Variants in RBFOX1 observed in about 807,000 individuals in gnomAD.
RBFOX1 encodes the protein RNA binding fox-1 homolog 1, also known as RNA binding protein fox-1 homolog 1.
In RBFOX1, 8 loss-of-function variants were observed where a neutral mutation model predicts 57.7. That is an observed-to-expected ratio of 0.14 (90% CI 0.08 to 0.25). The LOEUF (loss-of-function observed/expected upper bound fraction) is 0.25, where lower values mean the gene tolerates loss of function less well. RBFOX1 is among the 10% of genes least tolerant of loss of function. RBFOX1 has a pLI of 1.00. For synonymous variants in RBFOX1, 326 were observed against 222.4 expected (o/e 1.47, Z -4.15); for missense variants, 611 against 548.5 (o/e 1.11, Z -1.14).
At chr16:6,706,159 T>C (rs963009496) in intron 3 of RBFOX1, among the ~76,000 whole-genome samples, 5 of 152,180 alleles carry the variant, frequency 3.3e-5, no homozygotes, top group African/African-American at 1.2e-4. Context: ...AGGGTTTGTG[T>C]TGAAAACTTT....
chr16:6,958,139 A>T (rs2082249770), intron 3 of RBFOX1, among the ~76,000 whole-genome samples: 1 of 152,060 alleles, frequency 6.6e-6, no homozygotes. Flanking sequence ...ACGTTTTTTG[A>T]GAAGCAAGGG....
At chr16:6,799,743 C>G (rs7196625) in intron 3 of RBFOX1, among the ~76,000 whole-genome samples, 8 of 151,876 alleles carry the variant, frequency 5.3e-5, no homozygotes, top group Non-Finnish European at 4.4e-5. Flanking sequence ...TTGCCCTTGA[C>G]CATCAGCCTC....
intron 11 of RBFOX1, among the ~76,000 whole-genome samples, chr16:7,632,272 C>T (rs550466965): frequency 6.6e-6 from 1 of 152,116 alleles, no homozygotes; most frequent in Non-Finnish European, 1.5e-5. Context: ...TCTGTGCCTC[C>T]CAAGAAGCCC....
chr16:5,770,101 G>T (rs1209430053), intron 3 of RBFOX1, among the ~76,000 whole-genome samples: 2 of 152,174 alleles, frequency 1.3e-5, no homozygotes, highest in Admixed American at 1.3e-4. Flanking sequence ...ATTACGGGTT[G>T]TGGGTGTTTT....
At chr16:6,733,774 C>G (rs1039217192) in intron 3 of RBFOX1, among the ~76,000 whole-genome samples, 7 of 152,114 alleles carry the variant, frequency 4.6e-5, no homozygotes, top group African/African-American at 1.4e-4. Flanking sequence ...AAATTCTGAC[C>G]TCTGAAATCT....
chr16:7,251,323 C>G (rs1332690460), intron 4 of RBFOX1, among the ~76,000 whole-genome samples: 2 of 151,906 alleles, frequency 1.3e-5, no homozygotes, highest in East Asian at 3.9e-4. Context: ...CAGGTTCATC[C>G]ACAGTGTTGC....
chr16:5,801,479 C>G (rs11866610), intron 3 of RBFOX1, among the ~76,000 whole-genome samples: 1,856 of 152,080 alleles, frequency 0.012, 42 homozygotes, highest in African/African-American at 0.041. Flanking sequence ...CAGTAATATA[C>G]TTAGCAGTCA....
In RBFOX1 at chr16:6,897,793, C is replaced by CA. The variant is rs1205587325; in HGVS notation, c.-15-154258dup. Among the ~76,000 whole-genome samples the CA allele has an allele frequency of 9.2e-5, 14 of 151,928 alleles. 1 individual carries two copies. Among genetic ancestry groups the CA allele is most frequent in the African/African-American group, 3.4e-4 (14 of 41,378 alleles). On this transcript the variant is annotated intron_variant, in intron 3 of 15. Coordinates refer to ENST00000550418, the MANE Select transcript of RBFOX1 (RefSeq NM_018723.4). ...TGGATGACAGAGCGAGATTCCGTCT[C>CA]AAAAAATAAAAAAAGGCTAAGTCCT...
rs146930614 is a variant in RBFOX1 at position 6,721,425 on chromosome 16, A to C, written c.-16+66775A>C. On this transcript the variant is annotated intron_variant, in intron 3 of 15. Coordinates refer to ENST00000550418, the MANE Select transcript of RBFOX1 (RefSeq NM_018723.4). The stretch of plus-strand genomic sequence containing the variant: ...GCCACTGCACTCCAGCCTGGGGGAC[A>C]GAGCGAGACTCTGTCTCAAAAACAA... 9.9e-3 allele frequency among the ~76,000 whole-genome samples: 1,507 copies of C among 152,318 alleles called. 14 individuals carry two copies. The highest frequency in any genetic ancestry group is 0.034 in the African/African-American group (1,424 of 41,562).
At chr16:6,374,421 T>G (rs2090901990) in intron 2 of RBFOX1, among the ~76,000 whole-genome samples, 1 of 152,192 alleles carries the variant, frequency 6.6e-6, no homozygotes, top group Non-Finnish European at 1.5e-5. Context: ...ACTAAGAAAG[T>G]AAGTAGCAAA....
At chr16:7,656,761 G>A (rs899486371) in intron 12 of RBFOX1, among the ~76,000 whole-genome samples, 1 of 152,034 alleles carries the variant, frequency 6.6e-6, no homozygotes, top group Non-Finnish European at 1.5e-5. Context: ...TGGGGCAGGG[G>A]GTGACATACA....
intron 2 of RBFOX1, among the ~76,000 whole-genome samples, chr16:5,485,022 G>C (rs1021007879): frequency 6.6e-6 from 1 of 151,694 alleles, no homozygotes; most frequent in African/African-American, 2.4e-5. Flanking sequence ...TTATACCACT[G>C]CACTGCAACC....
intron 4 of RBFOX1, among the ~76,000 whole-genome samples, chr16:7,506,075 C>T (rs1467662096): frequency 2.0e-5 from 3 of 148,574 alleles, no homozygotes; most frequent in African/African-American, 7.4e-5. Context: ...GTCCCAGCTA[C>T]TTGGGAGGCT....
chr16:6,593,913 C>A (rs2097751020), intron 2 of RBFOX1, among the ~76,000 whole-genome samples: 1 of 152,162 alleles, frequency 6.6e-6, no homozygotes, highest in Non-Finnish European at 1.5e-5. Context: ...TAGCGATTTA[C>A]TGGCATTGTA....
At chr16:5,732,315 A>G (rs1462375771) in intron 3 of RBFOX1, among the ~76,000 whole-genome samples, 3 of 152,318 alleles carry the variant, frequency 2.0e-5, no homozygotes, top group East Asian at 1.9e-4. Flanking sequence ...CCAAGAGGGA[A>G]CGTACCTTCT....
intron 3 of RBFOX1, among the ~76,000 whole-genome samples, chr16:7,004,667 T>C (rs991253571): frequency 6.6e-6 from 1 of 152,262 alleles, no homozygotes; most frequent in Non-Finnish European, 1.5e-5. Flanking sequence ...GCATTTTTTC[T>C]ATATAGGGAA....
At chr16:6,893,090 C>T (rs941629633) in intron 3 of RBFOX1, among the ~76,000 whole-genome samples, 2 of 152,162 alleles carry the variant, frequency 1.3e-5, no homozygotes, top group East Asian at 3.9e-4. Context: ...CCCACCTCAC[C>T]TGACCCTCCT....
At chr16:5,505,022 G>A (rs546780916) in intron 2 of RBFOX1, among the ~76,000 whole-genome samples, 11 of 152,170 alleles carry the variant, frequency 7.2e-5, no homozygotes, top group Non-Finnish European at 1.5e-4. Context: ...TGATGAACGT[G>A]TTCTAAAGCT....
At chr16:5,703,591 G>GT (rs1479455633) in intron 3 of RBFOX1, among the ~76,000 whole-genome samples, 1 of 152,188 alleles carries the variant, frequency 6.6e-6, no homozygotes, top group Admixed American at 6.5e-5. Context: ...TAGTGCAGAG[G>GT]TTAATGCAGA....
Sources: gnomAD v4.1 joint callset for allele counts (sites outside exome capture counted in the v4.1 genomes callset) on GRCh38, gnomAD v4.1.1 for gene constraint, MANE v1.5 for transcripts, NCBI Gene and HGNC (gene_info 2026-07-23, HGNC 2026-07-21) for gene names.